Variants in KAZN observed in about 807,000 individuals in gnomAD.
The protein encoded by KAZN is kazrin.
In KAZN, 40 loss-of-function variants were observed where a neutral mutation model predicts 87.4. The ratio of observed to expected loss-of-function variants is 0.46; its 90% CI spans 0.36 to 0.60. The LOEUF (loss-of-function observed/expected upper bound fraction) is 0.60, where lower values mean the gene tolerates loss of function less well. Among genes scored for constraint, KAZN ranks in the 20% least tolerant of loss-of-function variants. KAZN has a pLI of 0.00. For missense variants in KAZN, 898 were observed against 1,073.9 expected (o/e 0.84, Z 2.29); for synonymous variants, 466 against 458.3 (o/e 1.02, Z -0.22).
intron 2 of KAZN, among the ~76,000 whole-genome samples, chr1:14,261,521 T>C (rs544301764): frequency 8.8e-4 from 134 of 152,224 alleles, no homozygotes; most frequent in Non-Finnish European, 1.6e-3. Context: ...GCGTGGCCTT[T>C]TACCAAGTTG....
In KAZN at chr1:14,090,881, C is replaced by A. The variant is rs146434482; in HGVS notation, c.92-89554C>A. The stretch of plus-strand genomic sequence containing the variant: ...GTAATCCCAGCACTTTGGGAGGCCG[C>A]GGTGGGTGGATCAAGAGGTCAGGTG... On this transcript the variant is annotated intron_variant, in intron 1 of 16. Transcript: ENST00000636203. Among the ~76,000 whole-genome samples the A allele has an allele frequency of 3.9e-3, 593 of 151,954 alleles. 10 individuals are homozygous for A. In the South Asian group the frequency reaches 0.066, roughly 17 times the overall value.
chr1:15,033,694 T>C (rs1671965066), intron 2 of KAZN, among the ~76,000 whole-genome samples: 1 of 152,230 alleles, frequency 6.6e-6, no homozygotes, highest in Non-Finnish European at 1.5e-5. Flanking sequence ...CATGTCCCTA[T>C]TGGCCATTTC....
intron 2 of KAZN, among the ~76,000 whole-genome samples, chr1:14,203,294 G>A (rs1356933405): frequency 6.6e-6 from 1 of 152,080 alleles, no homozygotes; most frequent in Non-Finnish European, 1.5e-5. Context: ...TACTTCATTA[G>A]AAGTGGATAA....
intron 2 of KAZN, among the ~76,000 whole-genome samples, chr1:14,382,741 C>T (rs1661487291): frequency 6.8e-6 from 1 of 147,594 alleles, no homozygotes; most frequent in African/African-American, 2.5e-5. Flanking sequence ...GGGTTGGTTC[C>T]AAGTCTTTGC....
At chr1:14,917,097 C>T (rs1657894931) in intron 1 of KAZN, among the ~76,000 whole-genome samples, 1 of 152,034 alleles carries the variant, frequency 6.6e-6, no homozygotes, top group Admixed American at 6.6e-5. Flanking sequence ...GGATTTCTGC[C>T]AGGTCATTTG....
intron 1 of KAZN, among the ~76,000 whole-genome samples, chr1:14,100,162 A>C (rs1401423982): frequency 6.6e-6 from 1 of 152,162 alleles, no homozygotes; most frequent in Non-Finnish European, 1.5e-5. Flanking sequence ...ACTGTTGTTT[A>C]TCGGTTCCCT....
intron 4 of KAZN, among the ~76,000 whole-genome samples, chr1:15,050,032 AGGGTAGGGTAGGGTAGGGTAGG>A (rs1674140641): frequency 5.2e-5 from 4 of 76,516 alleles, no homozygotes; most frequent in African/African-American, 3.0e-4. Context: ...AGAGTAGGGT[AGGGTAGGGTAGGGTAGGGTAGG>A]GTAGGGTAGG....
chr1:14,252,891 C>T (rs1032280637), intron 2 of KAZN, among the ~76,000 whole-genome samples: 7 of 152,182 alleles, frequency 4.6e-5, no homozygotes, highest in Non-Finnish European at 7.4e-5. Context: ...TTCCACTGTG[C>T]GGTTCCATCA....
intron 2 of KAZN, among the ~76,000 whole-genome samples, chr1:14,457,810 T>C (rs1667645058): frequency 6.7e-6 from 1 of 150,276 alleles, no homozygotes; most frequent in African/African-American, 2.5e-5. Flanking sequence ...TTTTTTGTTG[T>C]TGTTTTTTGT....
At chr1:14,403,154 G>A (rs190302573) in intron 2 of KAZN, among the ~76,000 whole-genome samples, 1 of 152,044 alleles carries the variant, frequency 6.6e-6, no homozygotes, top group Non-Finnish European at 1.5e-5. Context: ...CCATAATAGA[G>A]GTGACATTGC....
At chr1:13,935,232 C>T (rs986958461) in intron 1 of KAZN, among the ~76,000 whole-genome samples, 6 of 61,918 alleles carry the variant, frequency 9.7e-5, no homozygotes, top group East Asian at 5.7e-4. Flanking sequence ...AGCGAAACTC[C>T]GTATCAAATA....
intron 2 of KAZN, among the ~76,000 whole-genome samples, chr1:14,557,691 G>A (rs1302171881): frequency 2.7e-5 from 4 of 150,688 alleles, no homozygotes; most frequent in Non-Finnish European, 5.9e-5. Flanking sequence ...GAGAGAGAGA[G>A]AGAGATTTGT....
Position 14,599,270 on chromosome 1 carries a change from G to T in KAZN, c.226+47G>T, listed in dbSNP as rs780909969. ...GGGCGGAGGAAGGCGAGCAGAGCACGCCCGGCCTCGGAGGTGGCCGGGGAC... is the reference window on the plus strand; with the variant it reads ...GGGCGGAGGAAGGCGAGCAGAGCACTCCCGGCCTCGGAGGTGGCCGGGGAC... On this transcript the variant is annotated intron_variant, in intron 1 of 14. Coordinates refer to ENST00000376030, the MANE Select transcript of KAZN (RefSeq NM_201628.3). The surrounding 1 kb of genome is among the most constrained non-coding windows in gnomAD (Gnocchi z 4.4). 2.3e-6 allele frequency: 3 copies of T among 1,300,974 alleles called. No homozygotes were observed. The highest frequency in any genetic ancestry group is 4.2e-5 in the Admixed American group (1 of 23,800). 80.6% of individuals were successfully genotyped at this position (1,300,974 alleles called of 1,614,324 possible). A position where few individuals can be genotyped will look rare whatever the true frequency, so the allele number is the denominator to read the frequency against.
intron 1 of KAZN, among the ~76,000 whole-genome samples, chr1:14,811,883 G>T (rs967453896): frequency 7.2e-5 from 11 of 152,160 alleles, no homozygotes. Context: ...CCAAGGTCAC[G>T]CAGTGAGTAA....
intron 2 of KAZN, among the ~76,000 whole-genome samples, chr1:15,029,500 G>T (rs1463918817): frequency 6.6e-6 from 1 of 152,204 alleles, no homozygotes; most frequent in Non-Finnish European, 1.5e-5. Flanking sequence ...CACACGCAAA[G>T]CCAGGCACAC....
chr1:14,561,423 T>C (rs1266788830), intron 2 of KAZN, among the ~76,000 whole-genome samples: 1 of 152,170 alleles, frequency 6.6e-6, no homozygotes, highest in Non-Finnish European at 1.5e-5. Context: ...TTGAAAGGCT[T>C]GTTTCCCAAC....
At chr1:14,378,025 A>ATT (rs1661053352) in intron 2 of KAZN, among the ~76,000 whole-genome samples, 1 of 152,196 alleles carries the variant, frequency 6.6e-6, no homozygotes, top group Non-Finnish European at 1.5e-5. Context: ...TGGAGCCAGA[A>ATT]TTTTTAAATG....
At chr1:14,814,738 C>T (rs547976903) in intron 1 of KAZN, among the ~76,000 whole-genome samples, 14 of 152,320 alleles carry the variant, frequency 9.2e-5, no homozygotes, top group African/African-American at 3.4e-4. Flanking sequence ...CCAAGCAGGG[C>T]TCCAGCCCAG....
intron 1 of KAZN, among the ~76,000 whole-genome samples, chr1:13,971,252 C>G (rs1480893398): frequency 6.6e-6 from 1 of 152,178 alleles, no homozygotes; most frequent in Non-Finnish European, 1.5e-5. Context: ...TAAAAGAGAG[C>G]AAGTGGAACT....
Sources: gnomAD v4.1 joint callset for allele counts (sites outside exome capture counted in the v4.1 genomes callset) on GRCh38, gnomAD v4.1.1 for gene constraint, Gnocchi (gnomAD v3.1) non-coding constraint, MANE v1.5 for transcripts, NCBI Gene and HGNC (gene_info 2026-07-23, HGNC 2026-07-21) for gene names.